Variants in CHMP3 observed in about 807,000 individuals in gnomAD.
CHMP3 encodes charged multivesicular body protein 3.
A neutral mutation model predicts 27.4 loss-of-function variants in CHMP3; 8 were observed. The ratio of observed to expected loss-of-function variants is 0.29; its 90% CI spans 0.17 to 0.53. CHMP3 has a LOEUF of 0.53. Ranked by LOEUF, CHMP3 falls within the 20% of genes least tolerant of loss-of-function variation. CHMP3 has a pLI of 0.96. For synonymous variants in CHMP3, 86 were observed against 85.5 expected (o/e 1.01, Z -0.03); for missense variants, 208 against 271.5 (o/e 0.77, Z 1.64).
chr2:86,510,228 C>G (rs1675045952), intron 4 of CHMP3, 130 bp downstream of exon 4: 1 of 1,381,964 alleles, frequency 7.2e-7, no homozygotes, highest in African/African-American at 1.4e-5. Flanking sequence ...TTAACAGCTA[C>G]TCCTTAAAAT....
chr2:86,522,429 C>T (rs747983689), intron 3 of CHMP3, among the ~76,000 whole-genome samples: 2 of 152,156 alleles, frequency 1.3e-5, no homozygotes, highest in Admixed American at 1.3e-4. Flanking sequence ...ACACAACAAC[C>T]CTGTCTAGGA....
intron 1 of CHMP3, among the ~76,000 whole-genome samples, chr2:86,558,910 T>G (rs1204240454): frequency 6.6e-6 from 1 of 152,090 alleles, no homozygotes; most frequent in Non-Finnish European, 1.5e-5. Flanking sequence ...ACTTGGCTTC[T>G]TATTCATACA....
chr2:86,528,086 G>T (rs778482990), intron 3 of CHMP3, among the ~76,000 whole-genome samples: 5 of 151,578 alleles, frequency 3.3e-5, no homozygotes, highest in African/African-American at 4.9e-5. Context: ...TCAGTATCTC[G>T]AGAAAGAAAC....
intron 1 of CHMP3, among the ~76,000 whole-genome samples, chr2:86,555,767 T>C (rs569026486): frequency 6.6e-6 from 1 of 152,316 alleles, no homozygotes; most frequent in African/African-American, 2.4e-5. Flanking sequence ...TCTGTGTATG[T>C]CAAATCTCCC....
chr2:86,550,096 T>C (rs572553500), intron 1 of CHMP3, among the ~76,000 whole-genome samples: 23 of 152,136 alleles, frequency 1.5e-4, no homozygotes, highest in East Asian at 5.8e-4. Context: ...ACATTGAGCA[T>C]TGAGTGAGTG....
chr2:86,553,600 A>C (rs1254014618), intron 1 of CHMP3, among the ~76,000 whole-genome samples: 1 of 152,114 alleles, frequency 6.6e-6, no homozygotes, highest in Non-Finnish European at 1.5e-5. Flanking sequence ...AAAGTGCTGG[A>C]ATTATAGGCG....
intron 1 of CHMP3, chr2:86,562,119 T>C (rs1466499511): frequency 6.6e-6 from 1 of 152,226 alleles, no homozygotes; most frequent in Non-Finnish European, 1.5e-5. Flanking sequence ...CTGACGAAAA[T>C]AATGAGTGTC....
chr2:86,520,750 A>G (rs1330698545), intron 3 of CHMP3, among the ~76,000 whole-genome samples: 1 of 152,208 alleles, frequency 6.6e-6, no homozygotes, highest in Admixed American at 6.5e-5. Flanking sequence ...AAAACAAAAC[A>G]AAAGGACAAA....
At chr2:86,542,407 G>A (rs1490378087) in intron 1 of CHMP3, 95 bp from the exon 2 acceptor site, 1 of 1,231,222 alleles carries the variant, frequency 8.1e-7, no homozygotes, top group Admixed American at 2.2e-5. Flanking sequence ...ATTTATTACA[G>A]ACACAAAATT....
At chr2:86,529,188 G>A in intron 3 of CHMP3, 30 bp downstream of exon 3, 1 of 1,543,186 alleles carries the variant, frequency 6.5e-7, no homozygotes, top group Non-Finnish European at 8.7e-7. Flanking sequence ...CCGGCATTAT[G>A]AGGTGACTGT....
chr2:86,555,123 C>A (rs1677070079), intron 1 of CHMP3, among the ~76,000 whole-genome samples: 1 of 152,096 alleles, frequency 6.6e-6, no homozygotes, highest in African/African-American at 2.4e-5. Context: ...GCTGGGATTA[C>A]AGGCATGAGC....
chr2:86,507,740 G>A, intron 4 of CHMP3, 147 bp from the exon 5 acceptor site: 1 of 680,878 alleles, frequency 1.5e-6, no homozygotes, highest in Non-Finnish European at 2.6e-6. Context: ...AGGAAACACT[G>A]GATGTTGTCC....
intron 1 of CHMP3, chr2:86,562,689 T>C (rs2104081684): frequency 6.6e-6 from 1 of 152,320 alleles, no homozygotes; most frequent in African/African-American, 2.4e-5. Context: ...CTCCCAATAT[T>C]ATCTCAATTA....
intron 2 of CHMP3, among the ~76,000 whole-genome samples, chr2:86,530,403 C>A (rs549295007): frequency 1.3e-5 from 2 of 152,118 alleles, no homozygotes; most frequent in African/African-American, 4.8e-5. Flanking sequence ...TCTGTCTTTA[C>A]GAATTTTACT....
At chr2:86,548,567 G>A (rs1676708656) in intron 1 of CHMP3, among the ~76,000 whole-genome samples, 2 of 152,178 alleles carry the variant, frequency 1.3e-5, no homozygotes, top group Non-Finnish European at 2.9e-5. Flanking sequence ...GAACAAAATG[G>A]TGTCTCCTAT....
At chr2:86,515,164 C>G (rs1326946230) in intron 3 of CHMP3, 2 of 150,660 alleles carry the variant, frequency 1.3e-5, no homozygotes, top group African/African-American at 2.5e-5. Flanking sequence ...GTCCCACTGA[C>G]AGCCCCATAT....
chr2:86,516,787 T>C (rs1178431396), intron 3 of CHMP3, among the ~76,000 whole-genome samples: 1 of 152,254 alleles, frequency 6.6e-6, no homozygotes, highest in Non-Finnish European at 1.5e-5. Context: ...GTTACATAAC[T>C]ACATAATTCC....
chr2:86,528,232 A>T (rs1463495777), intron 3 of CHMP3, among the ~76,000 whole-genome samples: 1 of 152,246 alleles, frequency 6.6e-6, no homozygotes, highest in African/African-American at 2.4e-5. Context: ...CTATAAATTA[A>T]AACACTTCAT....
intron 2 of CHMP3, among the ~76,000 whole-genome samples, chr2:86,539,667 T>C (rs1366768646): frequency 6.6e-6 from 1 of 152,144 alleles, no homozygotes; most frequent in Admixed American, 6.5e-5. Flanking sequence ...GATCAATTAT[T>C]ATCATTGTCA....
Sources: allele counts gnomAD v4.1 joint callset (sites outside exome capture counted in the v4.1 genomes callset), GRCh38; gene constraint gnomAD v4.1.1; transcripts MANE v1.5; gene names NCBI Gene and HGNC (gene_info 2026-07-23, HGNC 2026-07-21).